The following FNIP1 variants were observed in gnomAD, a reference collection of about 807,000 sequenced individuals.
FNIP1 encodes the protein folliculin interacting protein 1.
FNIP1 carries 40 observed loss-of-function variants against 124.5 expected under a neutral mutation model. The ratio of observed to expected loss-of-function variants is 0.32; its 90% CI spans 0.25 to 0.42. FNIP1 has a LOEUF of 0.42. FNIP1 is among the 10% of genes least tolerant of loss of function. FNIP1 has a pLI of 1.00. For synonymous variants in FNIP1, 472 were observed against 470.6 expected (o/e 1.00, Z -0.04); for missense variants, 1,176 against 1,403.7 (o/e 0.84, Z 2.59).
At chr5:131,733,911 C>T (rs1333367343) in intron 2 of FNIP1, among the ~76,000 whole-genome samples, 1 of 152,168 alleles carries the variant, frequency 6.6e-6, no homozygotes. Flanking sequence ...ATGGTACCAG[C>T]TCCTCCTTCT....
At chr5:131,686,488 A>C (rs960966249) in intron 11 of FNIP1, among the ~76,000 whole-genome samples, 1 of 152,194 alleles carries the variant, frequency 6.6e-6, no homozygotes, top group Non-Finnish European at 1.5e-5. Context: ...CTGGGACTAC[A>C]GGTGCACGCC....
At chr5:131,652,159 A>G (rs1767058353) in intron 15 of FNIP1, among the ~76,000 whole-genome samples, 160 bp from the exon 16 acceptor site, 1 of 152,232 alleles carries the variant, frequency 6.6e-6, no homozygotes, top group Non-Finnish European at 1.5e-5. Flanking sequence ...ACTCATTAAC[A>G]AATACCCTGA....
chr5:131,691,133 A>C (rs1219856930), intron 11 of FNIP1, among the ~76,000 whole-genome samples: 1 of 152,214 alleles, frequency 6.6e-6, no homozygotes, highest in Admixed American at 6.5e-5. Flanking sequence ...AGCAAATTTA[A>C]AATAATACAA....
intron 1 of FNIP1, among the ~76,000 whole-genome samples, chr5:131,756,269 C>T (rs893090080): frequency 4.6e-5 from 7 of 151,946 alleles, no homozygotes; most frequent in African/African-American, 1.7e-4. Flanking sequence ...ATAGTGTGAC[C>T]ATATAACCAA....
At chr5:131,664,622 A>C (rs1047663263) in intron 15 of FNIP1, among the ~76,000 whole-genome samples, 1 of 136,906 alleles carries the variant, frequency 7.3e-6, no homozygotes, top group Non-Finnish European at 1.6e-5. Context: ...ATGACAGAGC[A>C]AGACCCTGTC....
At chr5:131,710,690 G>C (rs1435086361) in intron 6 of FNIP1, 29 bp from the exon 7 acceptor site, 3 of 1,601,138 alleles carry the variant, frequency 1.9e-6, no homozygotes, top group Non-Finnish European at 1.7e-6. Flanking sequence ...AAATACACAT[G>C]AAAGAGGACT....
At chr5:131,744,051 C>G (rs758789209) in intron 2 of FNIP1, among the ~76,000 whole-genome samples, 2 of 151,946 alleles carry the variant, frequency 1.3e-5, no homozygotes, top group Non-Finnish European at 2.9e-5. Context: ...CAAAAAACAG[C>G]ATGAGTGGAT....
intron 8 of FNIP1, among the ~76,000 whole-genome samples, chr5:131,708,694 C>T (rs1227645466): frequency 6.6e-6 from 1 of 151,756 alleles, no homozygotes; most frequent in East Asian, 1.9e-4. Flanking sequence ...ATCTGTGTTC[C>T]GTAAGGGCAG....
chr5:131,694,442 C>G (rs1417757986), intron 11 of FNIP1, among the ~76,000 whole-genome samples: 2 of 152,066 alleles, frequency 1.3e-5, no homozygotes, highest in Admixed American at 6.6e-5. Flanking sequence ...ACCACCACCA[C>G]CAAGGAAGAA....
At chr5:131,796,591 A>C (rs1238775049) in intron 1 of FNIP1, 1 of 554,534 alleles carries the variant, frequency 1.8e-6, no homozygotes, top group Non-Finnish European at 3.2e-6. Flanking sequence ...CAGGTCGTAA[A>C]CAAACCGACG....
Position 131,644,721 on chromosome 5 carries a change from G to C in FNIP1, c.3465C>G (p.Ser1155Arg). The C allele has an allele frequency of 1.2e-6, 2 of 1,613,912 alleles. No individual in the cohort carries two copies. The highest frequency in any genetic ancestry group is 1.7e-6 in the Non-Finnish European group (2 of 1,179,904). The part of the protein sequence containing the change: ...SDLPLLAAVA[S>R]THSPYVAQIL... ...TTTGTGCAACATATGGAGAGTGAGT[G>C]CTTGCTACAGCAGCCAGAAGTGGAA... is the stretch of plus-strand genomic sequence containing the variant. The change falls in exon 18 of 18, where the codon AGC (serine) becomes AGG (arginine). Residue 1155 changes from serine to arginine, a missense_variant. Physicochemically the swap from Ser to Arg is moderately radical, Grantham distance 110. Coordinates refer to ENST00000510461, the MANE Select transcript of FNIP1 (RefSeq NM_133372.3).
At chr5:131,677,225 C>A (rs1464554783) in intron 13 of FNIP1, among the ~76,000 whole-genome samples, 1 of 152,194 alleles carries the variant, frequency 6.6e-6, no homozygotes, top group African/African-American at 2.4e-5. Context: ...AACTTATCAA[C>A]CATCTACTCT....
intron 5 of FNIP1, among the ~76,000 whole-genome samples, chr5:131,717,377 C>T (rs1487207421): frequency 1.3e-5 from 2 of 152,136 alleles, no homozygotes; most frequent in African/African-American, 4.8e-5. Context: ...TTTCTTAATC[C>T]AGTCTATCAC....
chr5:131,791,517 A>C (rs1373440133), intron 1 of FNIP1, among the ~76,000 whole-genome samples: 2 of 152,258 alleles, frequency 1.3e-5, no homozygotes, highest in African/African-American at 2.4e-5. Context: ...AAAGACAAGA[A>C]ACAGAGAAAT....
In FNIP1 at chr5:131,672,503, G is replaced by A. The variant is rs1419567112; in HGVS notation, c.1941C>T (p.Cys647=). The change falls in exon 14 of 18, where the codon TGC becomes TGT. Residue 647 remains cysteine, a synonymous_variant. Coordinates refer to ENST00000510461, the MANE Select transcript of FNIP1 (RefSeq NM_133372.3). The part of the protein sequence containing the change: ...SKELLGISDE[C]QMISPSDCQE... The stretch of plus-strand genomic sequence containing the variant: ...GGCAGTCAGAAGGAGAAATCATCTG[G>A]CACTCATCTGAAATTCCTAGCAGCT... The A allele has an allele frequency of 2.5e-6, 4 of 1,613,444 alleles. No individual in the cohort carries two copies. Among genetic ancestry groups the A allele is most frequent in the Non-Finnish European group, 3.4e-6 (4 of 1,180,002 alleles).
chr5:131,774,291 T>C (rs1771732874), intron 1 of FNIP1, among the ~76,000 whole-genome samples: 2 of 152,176 alleles, frequency 1.3e-5, no homozygotes, highest in Admixed American at 6.5e-5. Flanking sequence ...GCCTCCCAAA[T>C]TGCTAAGATT....
intron 8 of FNIP1, 132 bp downstream of exon 8, chr5:131,709,069 C>G (rs1179950589): frequency 2.9e-6 from 2 of 701,462 alleles, no homozygotes; most frequent in Non-Finnish European, 4.9e-6. Context: ...AGACTTTGCT[C>G]TGGTCTTTTC....
chr5:131,664,281 A>C (rs1767528493), intron 15 of FNIP1, among the ~76,000 whole-genome samples: 1 of 152,190 alleles, frequency 6.6e-6, no homozygotes, highest in African/African-American at 2.4e-5. Context: ...CCTTATGGTT[A>C]AACTAAGATT....
intron 2 of FNIP1, among the ~76,000 whole-genome samples, chr5:131,741,427 C>A (rs1003126973): frequency 2.0e-5 from 3 of 152,114 alleles, no homozygotes; most frequent in African/African-American, 4.8e-5. Flanking sequence ...ATGTAGTTCA[C>A]TTTGTATAGA....
Sources: allele counts gnomAD v4.1 joint callset (sites outside exome capture counted in the v4.1 genomes callset), GRCh38; gene constraint gnomAD v4.1.1; transcripts MANE v1.5; gene names NCBI Gene and HGNC (gene_info 2026-07-23, HGNC 2026-07-21).